Variants in GPR158 observed in about 807,000 individuals in gnomAD.
The protein encoded by GPR158 is G protein-coupled receptor 158, also known as metabotropic glycine receptor.
GPR158 carries 30 observed loss-of-function variants against 78.2 expected under a neutral mutation model. That is an observed-to-expected ratio of 0.38 (90% CI 0.29 to 0.52). GPR158 has a LOEUF of 0.52. GPR158 is among the 20% of genes least tolerant of loss of function. GPR158 has a pLI of 0.83. For missense variants in GPR158, 1,463 were observed against 1,523.5 expected, an observed-to-expected ratio of 0.96 and a Z score of 0.66; for synonymous variants, 581 against 591.1, an observed-to-expected ratio of 0.98 and a Z score of 0.25.
intron 6 of GPR158, among the ~76,000 whole-genome samples, chr10:25,558,058 T>C (rs1231993823): frequency 6.6e-6 from 1 of 152,222 alleles, no homozygotes; most frequent in Non-Finnish European, 1.5e-5. Flanking sequence ...TTAAAAAATA[T>C]TTATATACAT....
chr10:25,384,856 T>C (rs1834201361), intron 2 of GPR158, among the ~76,000 whole-genome samples: 1 of 152,182 alleles, frequency 6.6e-6, no homozygotes, highest in Non-Finnish European at 1.5e-5. Flanking sequence ...CTGAGGTATG[T>C]GAGATGAGAT....
In GPR158 at chr10:25,412,365, C is replaced by T. The variant is rs1834603301; in HGVS notation, c.1227C>T (p.Phe409=). The T allele has an allele frequency of 2.5e-6, 4 of 1,613,668 alleles. No homozygotes were observed. Among genetic ancestry groups the T allele is most frequent in the Non-Finnish European group, 2.5e-6 (3 of 1,179,532 alleles). ...CPFCADDSPC[F]VQEDKYLRLA... ...TCTGTGCTGATGACAGCCCATGCTT[C>T]GTCCAGGAAGATAAGTATTTACGAC... Residue 409 remains phenylalanine (F), a synonymous_variant, in exon 4 of 11, where the codon TTC becomes TTT. Coordinates refer to ENST00000376351, the MANE Select transcript of GPR158 (RefSeq NM_020752.3).
Position 25,308,914 on chromosome 10 carries a change from A to G in GPR158, c.1009-86997A>G, listed in dbSNP as rs187226315. On this transcript the variant is annotated intron_variant, in intron 2 of 10. Transcript: ENST00000376351. ...CCTTTTAAAGGCTGGATAATATTCC[A>G]TTATATGTATATGCCACATTTTTGC... Among the ~76,000 whole-genome samples the G allele has an allele frequency of 9.2e-5, 14 of 152,304 alleles. No individual in the cohort carries two copies. In the East Asian group the frequency reaches 2.5e-3, roughly 27 times the overall value.
chr10:25,513,436 C>T (rs962973645), intron 5 of GPR158, among the ~76,000 whole-genome samples: 4 of 151,358 alleles, frequency 2.6e-5, no homozygotes, highest in Admixed American at 6.6e-5. Context: ...GTTAATCTCA[C>T]TAACAGTCTG....
chr10:25,520,866 G>A (rs1051742516), intron 5 of GPR158, among the ~76,000 whole-genome samples: 11 of 152,226 alleles, frequency 7.2e-5, no homozygotes, highest in African/African-American at 2.7e-4. Flanking sequence ...AGGCAGGCAG[G>A]CCTCCTTGAG....
In GPR158 at chr10:25,563,858, A is replaced by T. The variant is rs771644707; in HGVS notation, c.1515-8791A>T. On this transcript the variant is annotated intron_variant, in intron 6 of 10. Transcript: ENST00000376351. ...AAATTTTTAATAAACTTTATCTAATAAGGTTAATGTCTGGATGTCTTCAGG... is the reference window on the plus strand; with the variant it reads ...AAATTTTTAATAAACTTTATCTAATTAGGTTAATGTCTGGATGTCTTCAGG... Among the ~76,000 whole-genome samples the T allele has an allele frequency of 5.3e-4, 80 of 152,154 alleles. 2 individuals are homozygous for T. The highest frequency in any genetic ancestry group is 1.3e-4 in the Non-Finnish European group (9 of 68,032).
chr10:25,332,949 G>A (rs954084652), intron 2 of GPR158, among the ~76,000 whole-genome samples: 3 of 152,126 alleles, frequency 2.0e-5, no homozygotes, highest in Admixed American at 2.0e-4. Flanking sequence ...AGAAGTATGG[G>A]ATACATGAGC....
intron 5 of GPR158, among the ~76,000 whole-genome samples, chr10:25,494,196 GA>G (rs1428317040): frequency 1.3e-5 from 2 of 152,138 alleles, no homozygotes; most frequent in Admixed American, 1.3e-4. Flanking sequence ...AGGTTGGGGG[GA>G]AAGAATCTTT....
chr10:25,445,411 T>C (rs939687263), intron 4 of GPR158, among the ~76,000 whole-genome samples: 1 of 152,092 alleles, frequency 6.6e-6, no homozygotes, highest in Non-Finnish European at 1.5e-5. Context: ...GTGGAAAGAT[T>C]GGTAGGGGCT....
In GPR158 at chr10:25,412,246, T is replaced by C. The variant is rs1354505344; in HGVS notation, c.1112-4T>C. 6.2e-7 allele frequency: 1 copy of C among 1,609,996 alleles called. No homozygotes were observed. The highest frequency in any genetic ancestry group is 8.5e-7 in the Non-Finnish European group (1 of 1,176,360). ...GACACTGTGGTTTTATTTGGAACTT[T>C]CAGGAAGGGGTCCGGATCAGCATAT... On this transcript the variant is annotated splice_region_variant and splice_polypyrimidine_tract_variant and intron_variant, in intron 3 of 10. Coordinates refer to ENST00000376351, the MANE Select transcript of GPR158 (RefSeq NM_020752.3).
intron 2 of GPR158, among the ~76,000 whole-genome samples, chr10:25,297,938 T>C (rs990006901): frequency 1.3e-5 from 2 of 152,208 alleles, no homozygotes; most frequent in African/African-American, 4.8e-5. Context: ...TGGGTTCAAA[T>C]CACATCTTTG....
intron 2 of GPR158, among the ~76,000 whole-genome samples, chr10:25,315,127 A>T (rs190832949): frequency 2.0e-5 from 3 of 152,044 alleles, no homozygotes; most frequent in Non-Finnish European, 4.4e-5. Context: ...GAAAAGTTTG[A>T]TATATATCCA....
chr10:25,581,416 G>T (rs1430954911), intron 7 of GPR158, among the ~76,000 whole-genome samples: 2 of 152,084 alleles, frequency 1.3e-5, no homozygotes, highest in Non-Finnish European at 2.9e-5. Context: ...ACATTGTCTT[G>T]GCTTAGGGCT....
intron 4 of GPR158, among the ~76,000 whole-genome samples, chr10:25,460,492 G>A (rs1835345255): frequency 6.6e-6 from 1 of 152,156 alleles, no homozygotes; most frequent in South Asian, 2.1e-4. Context: ...ACCATGCCCA[G>A]CCTAAAATCA....
At chr10:25,460,039 A>C (rs1312081806) in intron 4 of GPR158, among the ~76,000 whole-genome samples, 1 of 152,168 alleles carries the variant, frequency 6.6e-6, no homozygotes, top group Admixed American at 6.5e-5. Context: ...CCAGCTTTAT[A>C]TTCATCTGCA....
At chr10:25,477,041 C>T (rs1304324878) in intron 5 of GPR158, among the ~76,000 whole-genome samples, 2 of 152,052 alleles carry the variant, frequency 1.3e-5, no homozygotes, top group African/African-American at 2.4e-5. Context: ...TGGTGTAGAA[C>T]CTATGTCAGT....
chr10:25,408,030 A>G (rs766595505), intron 3 of GPR158, among the ~76,000 whole-genome samples: 3 of 152,242 alleles, frequency 2.0e-5, no homozygotes, highest in Non-Finnish European at 4.4e-5. Context: ...GTCTCTGCTT[A>G]TCCCATCTCA....
intron 5 of GPR158, among the ~76,000 whole-genome samples, chr10:25,502,353 AT>A (rs1054818733): frequency 6.6e-6 from 1 of 152,094 alleles, no homozygotes; most frequent in African/African-American, 2.4e-5. Flanking sequence ...TGTGTCAAGC[AT>A]TTTACATTTA....
chr10:25,315,100 A>G (rs1854829700), intron 2 of GPR158, among the ~76,000 whole-genome samples: 3 of 152,058 alleles, frequency 2.0e-5, no homozygotes, highest in Admixed American at 2.0e-4. Flanking sequence ...AAAGTGAGTT[A>G]TATAGCTCAT....
Sources: gnomAD v4.1 joint callset for allele counts (sites outside exome capture counted in the v4.1 genomes callset) on GRCh38, gnomAD v4.1.1 for gene constraint, MANE v1.5 for transcripts, NCBI Gene and HGNC (gene_info 2026-07-23, HGNC 2026-07-21) for gene names.